Variants in IGSF10 observed in about 807,000 individuals in gnomAD.
IGSF10 encodes calvaria mechanical force protein 608.
Under a neutral mutation model 128.2 loss-of-function variants are expected in IGSF10, and 126 were observed. The observed-to-expected ratio is 0.98, with a 90% confidence interval of 0.85 to 1.14. The LOEUF is 1.14. Among genes scored for constraint, IGSF10 ranks in the 50% most tolerant of loss-of-function variants. The pLI is 0.00. For synonymous variants in IGSF10, 1,185 were observed against 1,146.2 expected, an observed-to-expected ratio of 1.03 and a Z score of -0.68; for missense variants, 3,295 against 3,149.8, an observed-to-expected ratio of 1.05 and a Z score of -1.10.
At chr3:151,617,875 T>C in the IGSF10 span, among the ~76,000 whole-genome samples, 1 of 152,150 alleles carries the variant, frequency 6.6e-6, no homozygotes, top group Non-Finnish European at 1.5e-5. Flanking sequence ...GGGTTAGTTA[T>C]CACAAGAGTG....
In IGSF10 at chr3:151,443,208, G is replaced by A; in HGVS notation, c.5739C>T (p.Gly1913=). The A allele has an allele frequency of 6.2e-7, 1 of 1,614,002 alleles. No homozygotes were observed. ...AACTGGTAGCAATGCATTCATAAGT[G>A]CCCCTGTCTGAAGAGGCTAGGTTTC... ...YIRNLASSDR[G]TYECIATSST... Residue 1913 remains glycine (G), a synonymous_variant, in exon 7 of 8, where the codon GGC becomes GGT. Transcript: ENST00000282466.
the IGSF10 span, among the ~76,000 whole-genome samples, chr3:151,609,384 G>A: frequency 2.2e-4 from 33 of 152,238 alleles, no homozygotes; most frequent in African/African-American, 5.5e-4. Flanking sequence ...TAAGTTACCC[G>A]ATCTTCTGTA....
At chr3:151,470,905 C>G in the IGSF10 span, among the ~76,000 whole-genome samples, 1 of 152,122 alleles carries the variant, frequency 6.6e-6, no homozygotes, top group Non-Finnish European at 1.5e-5. Flanking sequence ...AATTACTTCT[C>G]CTATCTCCTT....
chr3:151,442,000 G>A (rs1720885244), intron 7 of IGSF10, among the ~76,000 whole-genome samples: 1 of 152,214 alleles, frequency 6.6e-6, no homozygotes, highest in Non-Finnish European at 1.5e-5. Flanking sequence ...GGCGGAGCTT[G>A]CAGTGAGCAG....
At chr3:151,614,198 T>C in the IGSF10 span, among the ~76,000 whole-genome samples, 1 of 152,060 alleles carries the variant, frequency 6.6e-6, no homozygotes. Flanking sequence ...TGTGGAGAAA[T>C]AGGAACACTT....
chr3:151,573,228 G>C, the IGSF10 span, among the ~76,000 whole-genome samples: 1 of 152,216 alleles, frequency 6.6e-6, no homozygotes, highest in Non-Finnish European at 1.5e-5. Flanking sequence ...GGAGAGATCT[G>C]TAGATGTCTA....
At chr3:151,562,040 G>A in the IGSF10 span, among the ~76,000 whole-genome samples, 2 of 152,174 alleles carry the variant, frequency 1.3e-5, no homozygotes, top group Non-Finnish European at 2.9e-5. Flanking sequence ...CAATAAGGCT[G>A]AGCCCTACTG....
At chr3:151,608,677 T>C in the IGSF10 span, among the ~76,000 whole-genome samples, 2 of 152,216 alleles carry the variant, frequency 1.3e-5, no homozygotes, top group African/African-American at 4.8e-5. Flanking sequence ...TCAGTCCTTC[T>C]TTTATTGACC....
the IGSF10 span, among the ~76,000 whole-genome samples, chr3:151,528,800 GTTTTT>G: frequency 0.011 from 1,654 of 146,292 alleles, 13 homozygotes; most frequent in Admixed American, 0.017. Context: ...AGCTGCAGGA[GTTTTT>G]TTTTTTTTTT....
chr3:151,433,614 C>T (rs531812518), downstream of IGSF10: 51 of 152,468 alleles, frequency 3.3e-4, no homozygotes, highest in African/African-American at 1.2e-3. Flanking sequence ...GCAGTGGAAT[C>T]GTCCAACTAT....
chr3:151,496,949 A>G, the IGSF10 span, among the ~76,000 whole-genome samples: 1 of 152,148 alleles, frequency 6.6e-6, no homozygotes, highest in East Asian at 1.9e-4. Flanking sequence ...GCATTTTTTC[A>G]TGTGTCTGTT....
chr3:151,529,941 T>A, the IGSF10 span, among the ~76,000 whole-genome samples: 1 of 151,890 alleles, frequency 6.6e-6, no homozygotes, highest in African/African-American at 2.4e-5. Flanking sequence ...CTAACCCAAC[T>A]CAAGGAAGCT....
Position 151,443,045 on chromosome 3 carries a change from C to G in IGSF10, c.5902G>C (p.Glu1968Gln), listed in dbSNP as rs745832972. 6.2e-7 allele frequency: 1 copy of G among 1,614,090 alleles called. No homozygotes were observed. Among genetic ancestry groups the G allele is most frequent in the Non-Finnish European group, 8.5e-7 (1 of 1,180,042 alleles). The part of the protein sequence containing the change: ...KLLLNCSATG[E>Q]PKPQIMWRLP... ...CTCCACATTATTTGGGGTTTGGGCT[C>G]CCCAGTGGCTGAGCAGTTCAGTAGT... is the stretch of plus-strand genomic sequence containing the variant. Residue 1968 changes from glutamate (E) to glutamine (Q), a missense_variant, in exon 7 of 8, where the codon GAG becomes CAG. Physicochemically the swap from Glu to Gln is conservative, Grantham distance 29. Transcript: ENST00000282466.
the IGSF10 span, among the ~76,000 whole-genome samples, chr3:151,578,626 A>G: frequency 6.6e-6 from 1 of 152,236 alleles, no homozygotes; most frequent in African/African-American, 2.4e-5. Flanking sequence ...TGAGTAGAGT[A>G]ACAGCAATGG....
the IGSF10 span, among the ~76,000 whole-genome samples, chr3:151,483,316 A>G: frequency 1.3e-5 from 2 of 152,210 alleles, no homozygotes; most frequent in African/African-American, 4.8e-5. Context: ...GAAGGATAAA[A>G]ACCTAGAGTT....
chr3:151,489,214 A>C, the IGSF10 span, among the ~76,000 whole-genome samples: 2 of 152,166 alleles, frequency 1.3e-5, no homozygotes, highest in Admixed American at 6.5e-5. Context: ...GCCAACAAAT[A>C]TATGAAAAAA....
chr3:151,438,459 T>G lies in IGSF10; in HGVS notation c.6102A>C (p.Arg2034Ser), dbSNP rs754352952. The G allele has an allele frequency of 9.3e-6, 15 of 1,614,054 alleles. No individual in the cohort carries two copies. Among genetic ancestry groups the G allele is most frequent in the Non-Finnish European group, 1.3e-5 (15 of 1,180,036 alleles). Residue 2034 changes from arginine to serine, a missense_variant, in exon 8 of 8, where the codon AGA (arginine) becomes AGC (serine). By Grantham distance (110) the Arg-to-Ser change is moderately radical. Transcript: ENST00000282466. ...DDLILMHVSL[R>S]LKPAKIDHKQ... is the part of the protein sequence containing the mutation. ...TGTGGTCAATTTTGGCAGGTTTCAG[T>G]CTTAGGCTAACATGCATCAGTATCA...
chr3:151,472,507 G>T, the IGSF10 span, among the ~76,000 whole-genome samples: 1 of 152,158 alleles, frequency 6.6e-6, no homozygotes, highest in Non-Finnish European at 1.5e-5. Flanking sequence ...CTTCTGAAAA[G>T]GTTGAAAGAA....
chr3:151,469,967 A>G, the IGSF10 span, among the ~76,000 whole-genome samples: 2 of 152,212 alleles, frequency 1.3e-5, no homozygotes, highest in Admixed American at 6.5e-5. Context: ...ACTGATTCCA[A>G]GTGTTCACAA....
Sources: allele counts gnomAD v4.1 joint callset (sites outside exome capture counted in the v4.1 genomes callset), GRCh38; gene constraint gnomAD v4.1.1; transcripts MANE v1.5; gene names NCBI Gene and HGNC (gene_info 2026-07-23, HGNC 2026-07-21).